The following CRYL1 variants were observed in gnomAD, a reference collection of about 807,000 sequenced individuals.
CRYL1 encodes the protein crystallin lambda 1.
Under a neutral mutation model 36.6 loss-of-function variants are expected in CRYL1, and 29 were observed. That is an observed-to-expected ratio of 0.79 (90% confidence interval 0.59 to 1.08). The LOEUF is 1.08. CRYL1 is among the 50% of genes least tolerant of loss of function. The pLI is 0.00. For missense variants in CRYL1, 411 were observed against 407.9 expected, an observed-to-expected ratio of 1.01 and a Z score of -0.06; for synonymous variants, 152 against 151.5, an observed-to-expected ratio of 1.00 and a Z score of -0.02.
chr13:20,431,629 G>T, intron 5 of CRYL1: 2 of 1,052,174 alleles, frequency 1.9e-6, no homozygotes, highest in Non-Finnish European at 2.3e-6. Context: ...CTCTTTATAG[G>T]TAAGACAAGC....
In CRYL1 at chr13:20,481,296, C is replaced by T. The variant is rs1273709967; in HGVS notation, c.276+8074G>A. Among the ~76,000 whole-genome samples, 1 of 152,146 alleles carries T rather than the reference C, an allele frequency of 6.6e-6. No homozygotes were observed. The highest frequency in any genetic ancestry group is 1.5e-5 in the Non-Finnish European group (1 of 68,040). On this transcript the variant is annotated intron_variant, in intron 3 of 7. Coordinates refer to ENST00000298248, the MANE Select transcript of CRYL1 (RefSeq NM_015974.3). The surrounding 1 kb of genome is among the most constrained non-coding windows in gnomAD (Gnocchi z 4.1). ...CCAATCAACACAACCACACAAGCCA[C>T]GTCAAATTCATTTTACTCTGTGAAA...
chr13:20,498,896 A>T (rs1325860579), intron 2 of CRYL1, among the ~76,000 whole-genome samples: 1 of 152,236 alleles, frequency 6.6e-6, no homozygotes, highest in Non-Finnish European at 1.5e-5. Context: ...ATTTTGTGAT[A>T]TCAAGTGTCT....
intron 6 of CRYL1, among the ~76,000 whole-genome samples, chr13:20,410,299 C>T (rs187942490): frequency 1.1e-4 from 17 of 148,788 alleles, no homozygotes; most frequent in East Asian, 9.9e-4. Flanking sequence ...AACCCAACAC[C>T]GCATATTCTC....
intron 5 of CRYL1, among the ~76,000 whole-genome samples, chr13:20,414,910 G>A (rs1298761249): frequency 1.3e-5 from 2 of 152,226 alleles, no homozygotes; most frequent in Non-Finnish European, 2.9e-5. Context: ...ACGCCTTCAC[G>A]GCTCAGACAG....
intron 3 of CRYL1, among the ~76,000 whole-genome samples, chr13:20,456,749 C>T (rs891616136): frequency 6.6e-6 from 1 of 152,084 alleles, no homozygotes; most frequent in Non-Finnish European, 1.5e-5. Context: ...TGTTACACGA[C>T]CTGCCCACCC....
chr13:20,512,116 G>A (rs1177100073), intron 2 of CRYL1, among the ~76,000 whole-genome samples: 7 of 152,160 alleles, frequency 4.6e-5, no homozygotes, highest in South Asian at 2.1e-4. Context: ...TGCTGGAAGC[G>A]AGTTCCTCCT....
chr13:20,505,359 C>CAAAAAAAAAAAAGAA (rs2033775629), intron 2 of CRYL1, among the ~76,000 whole-genome samples: 1 of 91,222 alleles, frequency 1.1e-5, no homozygotes, highest in African/African-American at 3.7e-5. Flanking sequence ...TCTATCCCAC[C>CAAAAAAAAAAAAGAA]AAAAAAAAAA....
At chr13:20,485,699 A>G (rs1462701699) in intron 3 of CRYL1, among the ~76,000 whole-genome samples, 3 of 151,800 alleles carry the variant, frequency 2.0e-5, no homozygotes, top group Non-Finnish European at 4.4e-5. Context: ...AAAGAAAAGA[A>G]AAGAAAAGAA....
At chr13:20,466,430 T>C (rs1005738772) in intron 3 of CRYL1, among the ~76,000 whole-genome samples, 1 of 152,202 alleles carries the variant, frequency 6.6e-6, no homozygotes, top group African/African-American at 2.4e-5. Context: ...TAAAGAGTTG[T>C]TATAAATCAG....
intron 5 of CRYL1, chr13:20,431,517 A>C (rs1185767001): frequency 3.0e-6 from 3 of 998,170 alleles, no homozygotes; most frequent in Non-Finnish European, 3.6e-6. Flanking sequence ...ACGGCCCCTC[A>C]TGCAAATGTA....
rs541946826 is a variant in CRYL1, at chr13:20,489,351, G to A, written c.276+19C>T. ...ATGTCTCAGGCCCCACAGATGCGGC[G>A]CCAGTGTCCTTCACTCACCTGAATG... On this transcript the variant is annotated intron_variant, in intron 3 of 7. Transcript: ENST00000298248. The A allele has an allele frequency of 2.0e-4, 326 of 1,612,098 alleles. 4 individuals carry two copies. The South Asian group carries it at 3.3e-3, about 16-fold the overall frequency.
intron 2 of CRYL1, among the ~76,000 whole-genome samples, chr13:20,494,704 G>A (rs771414529): frequency 2.0e-5 from 3 of 152,192 alleles, no homozygotes; most frequent in Non-Finnish European, 2.9e-5. Context: ...GATAATGGGA[G>A]AACAGGAGTC....
chr13:20,509,652 G>C (rs750609960), intron 2 of CRYL1, among the ~76,000 whole-genome samples: 2 of 152,188 alleles, frequency 1.3e-5, no homozygotes, highest in African/African-American at 4.8e-5. Context: ...ATTAGGCCAG[G>C]CTTGGTGGCT....
chr13:20,408,199 A>G (rs2031426204), intron 6 of CRYL1, among the ~76,000 whole-genome samples: 1 of 152,126 alleles, frequency 6.6e-6, no homozygotes, highest in South Asian at 2.1e-4. Flanking sequence ...GGGAGGCAGA[A>G]CCGACCCGGG....
chr13:20,447,771 C>A (rs934310129), intron 3 of CRYL1, among the ~76,000 whole-genome samples: 14 of 152,182 alleles, frequency 9.2e-5, no homozygotes, highest in African/African-American at 3.4e-4. Context: ...ATAACCATAA[C>A]AACTGCAAAC....
intron 1 of CRYL1, among the ~76,000 whole-genome samples, chr13:20,520,853 C>T (rs1285186932): frequency 1.3e-5 from 2 of 152,096 alleles, no homozygotes; most frequent in Non-Finnish European, 2.9e-5. Context: ...CGCCTGTAAT[C>T]CCAGCACTTT....
At chr13:20,486,655 T>A (rs2033406826) in intron 3 of CRYL1, among the ~76,000 whole-genome samples, 1 of 152,162 alleles carries the variant, frequency 6.6e-6, no homozygotes, top group Non-Finnish European at 1.5e-5. Flanking sequence ...TTTCTCTAGT[T>A]TCCTCTCCTC....
intron 2 of CRYL1, among the ~76,000 whole-genome samples, chr13:20,499,951 C>T (rs1287029084): frequency 2.0e-5 from 3 of 152,176 alleles, no homozygotes; most frequent in Non-Finnish European, 4.4e-5. Flanking sequence ...TTATAATCAG[C>T]TACTGTCCAG....
intron 3 of CRYL1, among the ~76,000 whole-genome samples, chr13:20,468,264 A>G (rs2032983175): frequency 6.6e-6 from 1 of 152,126 alleles, no homozygotes; most frequent in Non-Finnish European, 1.5e-5. Context: ...CTCTTCTCCA[A>G]CTCAGCTATC....
Sources: gnomAD v4.1 joint callset for allele counts (sites outside exome capture counted in the v4.1 genomes callset) on GRCh38, gnomAD v4.1.1 for gene constraint, Gnocchi (gnomAD v3.1) non-coding constraint, MANE v1.5 for transcripts, NCBI Gene and HGNC (gene_info 2026-07-23, HGNC 2026-07-21) for gene names.